ATP1A3: variants seen among roughly 807,000 people sequenced by gnomAD.
The protein encoded by ATP1A3 is ATPase Na+/K+ transporting subunit alpha 3, also known as sodium/potassium-transporting ATPase subunit alpha-3.
In ATP1A3, 12 loss-of-function variants were observed where a neutral mutation model predicts 108.8. The ratio of observed to expected loss-of-function variants is 0.11; its 90% CI spans 0.07 to 0.18. ATP1A3 has a LOEUF of 0.18. ATP1A3 is among the 10% of genes least tolerant of loss of function. The pLI, the probability that ATP1A3 is intolerant of heterozygous loss-of-function variation, is 1.00. For missense variants in ATP1A3, 498 were observed against 1,387.7 expected, an observed-to-expected ratio of 0.36 and a Z score of 10.19; for synonymous variants, 539 against 564.5, an observed-to-expected ratio of 0.95 and a Z score of 0.64.
chr19:41,975,885 C>T, intron 15 of ATP1A3, 88 bp from the exon 16 acceptor site: 1 of 1,564,788 alleles, frequency 6.4e-7, no homozygotes, highest in Non-Finnish European at 8.8e-7. Flanking sequence ...CCCCAGCCCC[C>T]TCCTCCTTCA....
chr19:41,972,514 C>G (rs1450132510), intron 16 of ATP1A3, among the ~76,000 whole-genome samples: 1 of 151,964 alleles, frequency 6.6e-6, no homozygotes, highest in Non-Finnish European at 1.5e-5. Flanking sequence ...CACCTGTAAT[C>G]CCAGCACTTT....
In ATP1A3 at chr19:41,992,770, T is replaced by C. The variant is rs532030584; in HGVS notation, c.6+1301A>G. Among the ~76,000 whole-genome samples, 23 of 151,826 alleles carry C rather than the reference T, an allele frequency of 1.5e-4. No individual in the cohort carries two copies. In the South Asian group the frequency reaches 2.3e-3, roughly 15 times the overall value. ...CAGAGCATCTCTGTCTTTCCATGTGTCTCTGTCTTTCCTTCCCATGTCTAA... is the reference window on the plus strand; with the variant it reads ...CAGAGCATCTCTGTCTTTCCATGTGCCTCTGTCTTTCCTTCCCATGTCTAA... On this transcript the variant is annotated intron_variant, in intron 1 of 22. Transcript: ENST00000648268.
chr19:41,993,397 G>C, intron 1 of ATP1A3: 1 of 1,535,408 alleles, frequency 6.5e-7, no homozygotes, highest in Non-Finnish European at 8.7e-7. Flanking sequence ...CCCCACCGTG[G>C]CTCTCCTGTT....
At chr19:41,977,193 T>C (rs2075180263) in intron 14 of ATP1A3, among the ~76,000 whole-genome samples, 2 of 151,624 alleles carry the variant, frequency 1.3e-5, no homozygotes, top group African/African-American at 4.8e-5. Flanking sequence ...ATGGGAAAGT[T>C]GAAGAAGTCA....
In ATP1A3 at chr19:41,987,966, C is replaced by T. The variant is rs781907306; in HGVS notation, c.327G>A (p.Ala109=). 1.8e-5 allele frequency: 29 copies of T among 1,613,908 alleles called. No individual in the cohort carries two copies. The East Asian group carries it at 3.6e-4, about 20-fold the overall frequency. The change falls in exon 4 of 23, where the codon GCG becomes GCA. Residue 109 remains alanine (A), a synonymous_variant. Coordinates refer to ENST00000648268, the MANE Select transcript of ATP1A3 (RefSeq NM_152296.5). The stretch of plus-strand genomic sequence containing the variant: ...CACCAGAGGGGTCGTCCTCGGTGCC[C>T]GCCTGGATACCGTAGGCCAGGAAGC... ...ILCFLAYGIQ[A]GTEDDPSGDN... is the part of the protein sequence containing the mutation.
intron 16 of ATP1A3, among the ~76,000 whole-genome samples, chr19:41,975,284 C>T (rs1363321731): frequency 6.6e-6 from 1 of 152,212 alleles, no homozygotes; most frequent in Non-Finnish European, 1.5e-5. Context: ...ATCTTCTGAC[C>T]TCATGATCTG....
At chr19:41,972,384 T>A (rs1350810061) in intron 16 of ATP1A3, among the ~76,000 whole-genome samples, 1 of 151,960 alleles carries the variant, frequency 6.6e-6, no homozygotes, top group Non-Finnish European at 1.5e-5. Flanking sequence ...ATTGCAGCAC[T>A]GCGCTCCAGC....
chr19:41,988,345 G>A lies in ATP1A3; in HGVS notation c.126C>T (p.Cys42=), dbSNP rs1555866199. 6.2e-7 allele frequency: 1 copy of A among 1,614,142 alleles called. No individual in the cohort carries two copies. The highest frequency in any genetic ancestry group is 1.1e-5 in the South Asian group (1 of 91,080). The change falls in exon 3 of 23, where the codon TGC becomes TGT. Residue 42 remains cysteine, a synonymous_variant. Coordinates refer to ENST00000648268, the MANE Select transcript of ATP1A3 (RefSeq NM_152296.5). The surrounding 1 kb of genome is among the most constrained non-coding windows in gnomAD (Gnocchi z 5.3). ...GCACACAGTCTGTGTTGTATTTCCG[G>A]CAGACCTCTTCCACTGACATCTTGT... ...TEHKMSVEEV[C]RKYNTDCVQG...
At position 41,967,200 on chromosome 19, in the gene ATP1A3, G is replaced by A; in HGVS notation, c.3013+49C>T. On this transcript the variant is annotated intron_variant, in intron 22 of 22. Transcript: ENST00000648268. This position sits in a 1 kb window ranked among gnomAD's most constrained non-coding sequence, Gnocchi z 4.2. ...GGGGAGCCTGGGACCAGCTGCCTGA[G>A]ACCCTGCTGCCCCCCGCCCCCCTCG... The A allele has an allele frequency of 6.2e-7, 1 of 1,612,968 alleles. No homozygotes were observed. Among genetic ancestry groups the A allele is most frequent in the Non-Finnish European group, 8.5e-7 (1 of 1,179,486 alleles).
At position 41,978,162 on chromosome 19, in the gene ATP1A3, C is replaced by A; in HGVS notation, c.1795G>T (p.Ala599Ser). Residue 599 changes from alanine to serine, a missense_variant, in exon 13 of 23, where the codon GCA becomes TCA. Transcript: ENST00000648268. The surrounding 1 kb of genome is among the most constrained non-coding windows in gnomAD (Gnocchi z 8.3). The stretch of plus-strand genomic sequence containing the variant: ...ACCCCAAGCCACACCTTGATGCCTG[C>A]GCTGCGACACTTGCCCACCGCGTCA... ...VPDAVGKCRS[A>S]GIKVIMVTGD... is the part of the protein sequence containing the mutation. 1 of 1,614,204 alleles carries A rather than the reference C, an allele frequency of 6.2e-7. No individual in the cohort carries two copies. The highest frequency in any genetic ancestry group is 8.5e-7 in the Non-Finnish European group (1 of 1,180,040).
At chr19:41,987,061 T>A (rs1000908596) in intron 4 of ATP1A3, among the ~76,000 whole-genome samples, 17 of 152,176 alleles carry the variant, frequency 1.1e-4, no homozygotes, top group African/African-American at 4.1e-4. Context: ...CTGTTTTGTG[T>A]GTGTGTCTGT....
chr19:41,993,501 GCACACACACACACACACACA>G (rs4060828), intron 1 of ATP1A3: 99 of 678,308 alleles, frequency 1.5e-4, no homozygotes, highest in African/African-American at 4.0e-4. Context: ...TGCGGAGCCT[GCACACACACACACACACACA>G]CACACACACA....
At chr19:41,989,450 C>A (rs2075316018) in intron 1 of ATP1A3, among the ~76,000 whole-genome samples, 2 of 151,698 alleles carry the variant, frequency 1.3e-5, no homozygotes, top group African/African-American at 2.4e-5. Flanking sequence ...TCCCGAGTAG[C>A]TGGGACTACA....
intron 4 of ATP1A3, 141 bp from the exon 5 acceptor site, chr19:41,986,370 G>A (rs2075286664): frequency 1.4e-6 from 1 of 739,458 alleles, no homozygotes; most frequent in African/African-American, 1.7e-5. Context: ...GGTTATGAGG[G>A]TTGGTGTGTC....
At position 41,981,480 on chromosome 19, in the gene ATP1A3, T is replaced by C. The variant is rs782671912; in HGVS notation, c.1437+22A>G. 1.4e-5 allele frequency: 22 copies of C among 1,614,146 alleles called. No homozygotes were observed. The highest frequency in any genetic ancestry group is 1.9e-5 in the Non-Finnish European group (22 of 1,180,036). Reference sequence around the variant, plus strand: ...TAAGGAACCTGAGGTCCAGGCTGGCTCTCCCGGAAAGCCCAGAGTACCTGG... The same window carrying C: ...TAAGGAACCTGAGGTCCAGGCTGGCCCTCCCGGAAAGCCCAGAGTACCTGG... On this transcript the variant is annotated intron_variant, in intron 11 of 22. Coordinates refer to ENST00000648268, the MANE Select transcript of ATP1A3 (RefSeq NM_152296.5). This position sits in a 1 kb window ranked among gnomAD's most constrained non-coding sequence, Gnocchi z 5.0.
chr19:41,986,149 C>T lies in ATP1A3; in HGVS notation c.438G>A (p.Lys146=), dbSNP rs1555865368. The T allele has an allele frequency of 6.2e-7, 1 of 1,614,156 alleles. No individual in the cohort carries two copies. Among genetic ancestry groups the T allele is most frequent in the East Asian group, 2.2e-5 (1 of 44,872 alleles). ...FSYYQEAKSS[K]IMESFKNMVP... ...CCATGTTCTTGAAGGACTCCATGAT[C>T]TTGGAGCTCTTGGCCTCCTGGTAGT... Residue 146 remains lysine (K), a synonymous_variant, in exon 5 of 23, where the codon AAG becomes AAA. Coordinates refer to ENST00000648268, the MANE Select transcript of ATP1A3 (RefSeq NM_152296.5).
chr19:41,970,324 C>A lies in ATP1A3; in HGVS notation c.2419-16G>T. The A allele has an allele frequency of 2.5e-6, 4 of 1,613,928 alleles. No individual in the cohort carries two copies. The highest frequency in any genetic ancestry group is 2.2e-5 in the East Asian group (1 of 44,806). ...TGGCAGGGACCTAGGCGGAGGAGGCCGGGTGAGCCGGAGAGGGGAGGACTC... is the reference window on the plus strand; with the variant it reads ...TGGCAGGGACCTAGGCGGAGGAGGCAGGGTGAGCCGGAGAGGGGAGGACTC... On this transcript the variant is annotated splice_polypyrimidine_tract_variant and intron_variant, in intron 17 of 22. Coordinates refer to ENST00000648268, the MANE Select transcript of ATP1A3 (RefSeq NM_152296.5).
At chr19:41,983,823 G>A (rs1166348559) in intron 8 of ATP1A3, among the ~76,000 whole-genome samples, 2 of 140,388 alleles carry the variant, frequency 1.4e-5, no homozygotes, top group Admixed American at 7.7e-5. Context: ...CGCCCAGGCT[G>A]GAGTGAGGTG....
At position 41,967,608 on chromosome 19, in the gene ATP1A3, A is replaced by G; in HGVS notation, c.2921+54T>C. On this transcript the variant is annotated intron_variant, in intron 21 of 22. Transcript: ENST00000648268. This position sits in a 1 kb window ranked among gnomAD's most constrained non-coding sequence, Gnocchi z 4.2. ...TGAGGTTCAGGCTGAGTCTAAGGGA[A>G]GGCTCCATGGCAGGCGCTGGTGTGG... 1 of 1,577,436 alleles carries G rather than the reference A, an allele frequency of 6.3e-7. No individual in the cohort carries two copies. Among genetic ancestry groups the G allele is most frequent in the East Asian group, 2.3e-5 (1 of 44,380 alleles).
Sources: allele counts gnomAD v4.1 joint callset (sites outside exome capture counted in the v4.1 genomes callset), GRCh38; gene constraint gnomAD v4.1.1; non-coding constraint Gnocchi (gnomAD v3.1); transcripts MANE v1.5; gene names NCBI Gene and HGNC (gene_info 2026-07-23, HGNC 2026-07-21).